Variants in ANKRD40 observed in about 807,000 individuals in gnomAD.
The protein encoded by ANKRD40 is ankyrin repeat domain 40.
Under a neutral mutation model 35.5 loss-of-function variants are expected in ANKRD40, and 24 were observed. The observed-to-expected ratio is 0.68, with a 90% CI of 0.49 to 0.95. The LOEUF (loss-of-function observed/expected upper bound fraction) is 0.95, where lower values mean the gene tolerates loss of function less well. Ranked by LOEUF, ANKRD40 falls within the 40% of genes least tolerant of loss-of-function variation. The pLI is 0.00. For missense variants in ANKRD40, 361 were observed against 436.0 expected, an observed-to-expected ratio of 0.83 and a Z score of 1.53; for synonymous variants, 147 against 173.5, an observed-to-expected ratio of 0.85 and a Z score of 1.20.
intron 3 of ANKRD40, among the ~76,000 whole-genome samples, chr17:50,698,415 C>T (rs9907742): frequency 3.5e-4 from 53 of 152,042 alleles, no homozygotes; most frequent in African/African-American, 1.2e-3. Flanking sequence ...TGAGTCAATA[C>T]TGATATGAAT....
At chr17:50,703,014 C>G (rs571652625) in intron 1 of ANKRD40, among the ~76,000 whole-genome samples, 64 of 152,274 alleles carry the variant, frequency 4.2e-4, no homozygotes, top group African/African-American at 1.5e-3. Flanking sequence ...GTCAAAATAT[C>G]TTATTAGTGT....
intron 1 of ANKRD40, among the ~76,000 whole-genome samples, chr17:50,702,655 C>T (rs748319567): frequency 2.0e-5 from 3 of 152,112 alleles, no homozygotes; most frequent in Non-Finnish European, 4.4e-5. Flanking sequence ...ATCACTTGTT[C>T]GTGGCAAGCT....
intron 3 of ANKRD40, 40 bp downstream of exon 3, chr17:50,699,359 A>G: frequency 1.3e-6 from 2 of 1,597,966 alleles, no homozygotes; most frequent in Non-Finnish European, 1.7e-6. Context: ...CTGGACACCA[A>G]CTCCCCTGTT....
At chr17:50,702,045 G>T (rs529339129) in intron 1 of ANKRD40, among the ~76,000 whole-genome samples, 33 of 152,318 alleles carry the variant, frequency 2.2e-4, no homozygotes, top group African/African-American at 7.2e-4. Context: ...TTAAGTTTGG[G>T]AGAGAAGAGT....
rs1968239442 is a variant in ANKRD40 at position 50,699,490 on chromosome 17, C to T, written c.687G>A (p.Met229Ile). Residue 229 changes from methionine (M) to isoleucine (I), a missense_variant, in exon 3 of 5, where the codon ATG becomes ATA. By Grantham distance (10) the Met-to-Ile change is conservative. Coordinates refer to ENST00000285243, the MANE Select transcript of ANKRD40 (RefSeq NM_052855.4). Reference protein sequence around the residue: ...LFSSVPSKPPMSLEPQNGTYA... With the variant: ...LFSSVPSKPPISLEPQNGTYA... ...ACGTCCCATTTTGAGGCTCCAGAGA[C>T]ATTGGTGGCTTGGACGGGACAGAAG... 3 of 1,614,168 alleles carry T rather than the reference C, an allele frequency of 1.9e-6. No individual in the cohort carries two copies. The highest frequency in any genetic ancestry group is 2.5e-6 in the Non-Finnish European group (3 of 1,180,022).
In ANKRD40 at chr17:50,704,477, T is replaced by C. The variant is rs574371899; in HGVS notation, c.134+3044A>G. 1.1e-4 allele frequency among the ~76,000 whole-genome samples: 15 copies of C among 138,886 alleles called. No homozygotes were observed. In the Admixed American group the frequency reaches 1.1e-3, roughly 10 times the overall value. 91.1% of individuals were successfully genotyped at this position (138,886 alleles called of 152,430 possible). ...GATGCAGTGAGCTGAGATCACGCATTGCACTCCAGCCTGGGTGACAAGAGT... is the reference window on the plus strand; with the variant it reads ...GATGCAGTGAGCTGAGATCACGCATCGCACTCCAGCCTGGGTGACAAGAGT... On this transcript the variant is annotated intron_variant, in intron 1 of 4. Coordinates refer to ENST00000285243, the MANE Select transcript of ANKRD40 (RefSeq NM_052855.4).
In ANKRD40 at chr17:50,699,811, G is replaced by T. The variant is rs1968247325; in HGVS notation, c.366C>A (p.Asn122Lys). The change falls in exon 3 of 5, where the codon AAC becomes AAA. Residue 122 changes from asparagine to lysine, a missense_variant. Asn to Lys is a moderately conservative substitution (Grantham distance 94, BLOSUM62 0). Transcript: ENST00000285243. ...AAGGGAAGGCTGGGTTGGCCAAATA[G>T]TTGGGAACAAAGGGCAGTTCTGACT... ...KKESELPFVP[N>K]YLANPAFPFI... 1 of 1,572,600 alleles carries T rather than the reference G, an allele frequency of 6.4e-7. No homozygotes were observed. Among genetic ancestry groups the T allele is most frequent in the Admixed American group, 1.8e-5 (1 of 54,980 alleles).
At position 50,695,974 on chromosome 17, in the gene ANKRD40, C is replaced by T. The variant is rs532725061; in HGVS notation, c.*23G>A. The T allele has an allele frequency of 1.9e-6, 3 of 1,613,266 alleles. No individual in the cohort carries two copies. The East Asian group carries it at 6.7e-5, about 36-fold the overall frequency. On this transcript the variant is annotated 3_prime_UTR_variant, in exon 5 of 5. Coordinates refer to ENST00000285243, the MANE Select transcript of ANKRD40 (RefSeq NM_052855.4). ...AGGTGATGCACACTGTCATAATACTCAGTGATAAAAGTCCCTGCTGCATTA... is the reference window on the plus strand; with the variant it reads ...AGGTGATGCACACTGTCATAATACTTAGTGATAAAAGTCCCTGCTGCATTA...
intron 3 of ANKRD40, among the ~76,000 whole-genome samples, chr17:50,697,658 C>T (rs1336283381): frequency 6.6e-6 from 1 of 152,210 alleles, no homozygotes; most frequent in African/African-American, 2.4e-5. Context: ...TTGAATGTAG[C>T]ACACCTTCAT....
chr17:50,707,486 G>C lies in ANKRD40; in HGVS notation c.134+35C>G. 6.3e-7 allele frequency: 1 copy of C among 1,591,856 alleles called. No individual in the cohort carries two copies. The highest frequency in any genetic ancestry group is 8.6e-7 in the Non-Finnish European group (1 of 1,169,408). ...ACTGCCCCACGCCTTCCGACCGGCT[G>C]CCCTGACCCTAGGCCTCCCCCGCTC... On this transcript the variant is annotated intron_variant, in intron 1 of 4. Transcript: ENST00000285243. This position sits in a 1 kb window ranked among gnomAD's most constrained non-coding sequence, Gnocchi z 4.8.
In ANKRD40 at chr17:50,707,437, C is replaced by T; in HGVS notation, c.134+84G>A. 1 of 1,530,926 alleles carries T rather than the reference C, an allele frequency of 6.5e-7. No individual in the cohort carries two copies. The highest frequency in any genetic ancestry group is 8.8e-7 in the Non-Finnish European group (1 of 1,138,428). 94.8% of individuals were successfully genotyped at this position (1,530,926 alleles called of 1,614,324 possible). ...CAGGCCTCGCCGTAGCCAGGCGTCC[C>T]GCGCTGGGCCCAGGTCGCGACTGAC... is the stretch of plus-strand genomic sequence containing the variant. On this transcript the variant is annotated intron_variant, in intron 1 of 4. Transcript: ENST00000285243. The surrounding 1 kb of genome is among the most constrained non-coding windows in gnomAD (Gnocchi z 4.8).
intron 3 of ANKRD40, 55 bp downstream of exon 3, chr17:50,699,344 C>A: frequency 6.3e-7 from 1 of 1,577,212 alleles, no homozygotes; most frequent in Non-Finnish European, 8.6e-7. Context: ...TTAAATCCCA[C>A]CCCTCTGGAC....
At chr17:50,696,839 C>T (rs997151196) in intron 4 of ANKRD40, 101 bp downstream of exon 4, 1 of 1,105,702 alleles carries the variant, frequency 9.0e-7, no homozygotes, top group Non-Finnish European at 1.2e-6. Context: ...TGCTCCTTTT[C>T]TATTCTTTGT....
At chr17:50,699,985 A>G (rs1286532878) in intron 2 of ANKRD40, 92 bp from the exon 3 acceptor site, 1 of 1,274,886 alleles carries the variant, frequency 7.8e-7, no homozygotes, top group Non-Finnish European at 1.0e-6. Context: ...GGTATGTGAC[A>G]TTGGTCAGTG....
rs1351202914 is a variant in ANKRD40 at position 50,707,685 on chromosome 17, C to T, written c.-31G>A. Reference sequence around the variant, plus strand: ...CACAGCCCCAGGCCCCCGCCCAGGCCCGCCTGCCCCGCCCCGCCCGGGGCC... The same window carrying T: ...CACAGCCCCAGGCCCCCGCCCAGGCTCGCCTGCCCCGCCCCGCCCGGGGCC... On this transcript the variant is annotated 5_prime_UTR_variant, in exon 1 of 5. Coordinates refer to ENST00000285243, the MANE Select transcript of ANKRD40 (RefSeq NM_052855.4). The surrounding 1 kb of genome is among the most constrained non-coding windows in gnomAD (Gnocchi z 4.8). 3 of 1,364,174 alleles carry T rather than the reference C, an allele frequency of 2.2e-6. No homozygotes were observed. Among genetic ancestry groups the T allele is most frequent in the Non-Finnish European group, 2.8e-6 (3 of 1,055,584 alleles). 84.5% of individuals were successfully genotyped at this position (1,364,174 alleles called of 1,614,324 possible).
At chr17:50,703,072 G>A (rs1446256333) in intron 1 of ANKRD40, among the ~76,000 whole-genome samples, 2 of 152,284 alleles carry the variant, frequency 1.3e-5, no homozygotes, top group East Asian at 3.9e-4. Context: ...CATCAACAGG[G>A]CATCACTCAT....
rs1470791809 is a variant in ANKRD40 at position 50,694,884 on chromosome 17, T to C, written c.*1113A>G. On this transcript the variant is annotated 3_prime_UTR_variant, in exon 5 of 5. Transcript: ENST00000285243. Reference sequence around the variant, plus strand: ...ATTTCAAAATAACCTTTATTTTTGATACAAAAATAAAGATGCTAACTCCTT... The same window carrying C: ...ATTTCAAAATAACCTTTATTTTTGACACAAAAATAAAGATGCTAACTCCTT... 1 of 152,138 alleles carries C rather than the reference T, an allele frequency of 6.6e-6. No homozygotes were observed. The highest frequency in any genetic ancestry group is 1.5e-5 in the Non-Finnish European group (1 of 68,014). The allele number at this position is 152,138 out of a possible 1,614,324, so 9.4% of individuals were successfully genotyped here. A position where few individuals can be genotyped will look rare whatever the true frequency, so the allele number is the denominator to read the frequency against.
At position 50,693,530 on chromosome 17, in the gene ANKRD40, G is replaced by A. The variant is rs928434577; in HGVS notation, c.*2467C>T. Reference sequence around the variant, plus strand: ...AGAAGAGAGACCAGCATAGGACAGAGATACATCAAACCCACCTCTCACCAG... The same window carrying A: ...AGAAGAGAGACCAGCATAGGACAGAAATACATCAAACCCACCTCTCACCAG... On this transcript the variant is annotated 3_prime_UTR_variant, in exon 5 of 5. Coordinates refer to ENST00000285243, the MANE Select transcript of ANKRD40 (RefSeq NM_052855.4). 1 of 152,300 alleles carries A rather than the reference G, an allele frequency of 6.6e-6. No individual in the cohort carries two copies. Among genetic ancestry groups the A allele is most frequent in the African/African-American group, 2.4e-5 (1 of 41,456 alleles). The allele number at this position is 152,300 out of a possible 1,614,324, so 9.4% of individuals were successfully genotyped here.
intron 1 of ANKRD40, among the ~76,000 whole-genome samples, chr17:50,706,988 C>T (rs6504678): frequency 1 from 150,192 of 150,468 alleles, 74,958 homozygotes; most frequent in Middle Eastern, 1. Context: ...CAGGCAACTA[C>T]AGGCAGCAGC....
Sources: gnomAD v4.1 joint callset for allele counts (sites outside exome capture counted in the v4.1 genomes callset) on GRCh38, gnomAD v4.1.1 for gene constraint, Gnocchi (gnomAD v3.1) non-coding constraint, MANE v1.5 for transcripts, NCBI Gene and HGNC (gene_info 2026-07-23, HGNC 2026-07-21) for gene names.